PROM1: variants seen among roughly 807,000 people sequenced by gnomAD.
PROM1 encodes the protein prominin 1, also known as prominin-1.
PROM1 carries 105 observed loss-of-function variants against 116.9 expected under a neutral mutation model. The ratio of observed to expected loss-of-function variants is 0.90; its 90% CI spans 0.77 to 1.06. PROM1 has a LOEUF of 1.06. Among genes scored for constraint, PROM1 ranks in the 50% least tolerant of loss-of-function variants. PROM1 has a pLI of 0.00. For missense variants in PROM1, 1,122 were observed against 1,045.2 expected (o/e 1.07, Z -1.01); for synonymous variants, 393 against 387.0 (o/e 1.02, Z -0.18).
chr4:16,023,189 C>T (rs899018138), intron 8 of PROM1, 137 bp downstream of exon 8: 19 of 728,348 alleles, frequency 2.6e-5, no homozygotes, highest in Non-Finnish European at 4.4e-5. Flanking sequence ...AGTGTCTTGA[C>T]CTGAACTGTC....
intron 1 of PROM1, 106 bp downstream of exon 1, chr4:16,083,872 A>G (rs894657618): frequency 2.0e-5 from 3 of 152,094 alleles, no homozygotes; most frequent in African/African-American, 4.8e-5. Flanking sequence ...GGGAGGCAGG[A>G]GAAAGGCCCG....
At chr4:15,994,782 G>A (rs943601275) in intron 15 of PROM1, among the ~76,000 whole-genome samples, 4 of 152,212 alleles carry the variant, frequency 2.6e-5, no homozygotes, top group Admixed American at 6.5e-5. Flanking sequence ...TCTCTTCCTT[G>A]CCACAGCAGC....
At chr4:15,985,120 A>C (rs935548930) in intron 22 of PROM1, among the ~76,000 whole-genome samples, 7 of 152,238 alleles carry the variant, frequency 4.6e-5, no homozygotes, top group Non-Finnish European at 7.3e-5. Flanking sequence ...ACCTTTACTG[A>C]ACATGTACAG....
intron 15 of PROM1, 60 bp from the exon 16 acceptor site, chr4:15,994,131 C>T: frequency 6.2e-7 from 1 of 1,605,224 alleles, no homozygotes; most frequent in Non-Finnish European, 8.5e-7. Context: ...CCTCTGTCCA[C>T]CACTGAAGAT....
At chr4:16,051,144 A>C (rs1036321221) in intron 2 of PROM1, among the ~76,000 whole-genome samples, 1 of 152,256 alleles carries the variant, frequency 6.6e-6, no homozygotes, top group African/African-American at 2.4e-5. Context: ...CTACTAAGTG[A>C]AGGGAAAAAA....
At chr4:16,004,907 C>T (rs1311242220) in intron 13 of PROM1, among the ~76,000 whole-genome samples, 1 of 77,252 alleles carries the variant, frequency 1.3e-5, no homozygotes, top group Non-Finnish European at 2.4e-5. Context: ...CTCTCTCTCC[C>T]TTCCTTCCTT....
At chr4:16,065,382 T>C (rs554370149) in intron 2 of PROM1, among the ~76,000 whole-genome samples, 4 of 152,258 alleles carry the variant, frequency 2.6e-5, no homozygotes, top group African/African-American at 7.2e-5. Flanking sequence ...CACACACTCA[T>C]AGCTTAGTTT....
At chr4:16,081,472 C>T (rs575299331) in intron 1 of PROM1, among the ~76,000 whole-genome samples, 1 of 152,282 alleles carries the variant, frequency 6.6e-6, no homozygotes, top group African/African-American at 2.4e-5. Flanking sequence ...TGGGCAAGGA[C>T]TTCATGTCTA....
intron 10 of PROM1, 141 bp from the exon 11 acceptor site, chr4:16,013,479 T>C (rs1021330168): frequency 1.1e-5 from 7 of 629,020 alleles, no homozygotes; most frequent in African/African-American, 1.1e-4. Context: ...GATCATTATA[T>C]GGTCATCAAG....
At chr4:15,971,470 A>C in intron 26 of PROM1, 1 of 168,858 alleles carries the variant, frequency 5.9e-6, no homozygotes, top group Non-Finnish European at 1.3e-5. Context: ...ACAGAAGCAA[A>C]TGGAAGTTCC....
In PROM1 at chr4:15,980,476, G is replaced by A. The variant is rs371444761; in HGVS notation, c.2435C>T (p.Ala812Val). The change falls in exon 24 of 28, where the codon GCG becomes GTG. Residue 812 changes from alanine to valine, a missense_variant. Transcript: ENST00000447510. ...ACGATAGTACTTAGCCAGTTTTACCGCAAAAATTAGAGCCGGAAGTAAAAA... is the reference window on the plus strand; with the variant it reads ...ACGATAGTACTTAGCCAGTTTTACCACAAAAATTAGAGCCGGAAGTAAAAA... ...TVFLLPALIF[A>V]VKLAKYYRRM... The A allele has an allele frequency of 9.0e-6, 14 of 1,556,266 alleles. No individual in the cohort carries two copies. The highest frequency in any genetic ancestry group is 4.1e-5 in the African/African-American group (3 of 73,260).
intron 11 of PROM1, among the ~76,000 whole-genome samples, chr4:16,009,404 T>G (rs1189903570): frequency 6.6e-6 from 1 of 152,238 alleles, no homozygotes; most frequent in African/African-American, 2.4e-5. Flanking sequence ...AAATGCATGG[T>G]GTGCAGACTA....
rs1031903087 is a variant in PROM1, at chr4:16,045,541, C to A, written c.221-6540G>T. 4.6e-5 allele frequency among the ~76,000 whole-genome samples: 7 copies of A among 152,292 alleles called. No homozygotes were observed. In the East Asian group the frequency reaches 1.2e-3, roughly 25 times the overall value. On this transcript the variant is annotated intron_variant, in intron 2 of 27. Coordinates refer to ENST00000447510, the MANE Select transcript of PROM1 (RefSeq NM_006017.3). ...GCTTACCCTAATACAACACACCTTACCGAATTAAGACCCCCAACATTTTCT... is the reference window on the plus strand; with the variant it reads ...GCTTACCCTAATACAACACACCTTAACGAATTAAGACCCCCAACATTTTCT...
chr4:16,026,095 T>G (rs113238162), intron 5 of PROM1, among the ~76,000 whole-genome samples: 39 of 152,294 alleles, frequency 2.6e-4, no homozygotes, highest in African/African-American at 9.1e-4. Flanking sequence ...CTTTCCTCCA[T>G]GTGAAATATA....
chr4:16,078,322 G>A (rs1375869823), intron 1 of PROM1: 1 of 152,312 alleles, frequency 6.6e-6, no homozygotes, highest in African/African-American at 2.4e-5. Context: ...GAAAGAAATA[G>A]CAGCAGAGTC....
At chr4:16,061,098 T>C (rs1050994637) in intron 2 of PROM1, among the ~76,000 whole-genome samples, 4 of 152,156 alleles carry the variant, frequency 2.6e-5, no homozygotes, top group Non-Finnish European at 5.9e-5. Context: ...AATTTTCCCA[T>C]GGAAGTAACA....
At chr4:16,010,953 C>T (rs1177650350) in intron 11 of PROM1, among the ~76,000 whole-genome samples, 2 of 152,100 alleles carry the variant, frequency 1.3e-5, no homozygotes, top group South Asian at 2.1e-4. Context: ...CCAAATGGCT[C>T]GTGTGTGAAA....
rs181907534 is a variant in PROM1 at position 16,017,690 on chromosome 4, G to A, written c.1002+633C>T. Among the ~76,000 whole-genome samples, 186 of 152,180 alleles carry A rather than the reference G, an allele frequency of 1.2e-3. 6 individuals are homozygous for A. The East Asian group carries it at 0.03, about 24-fold the overall frequency. ...ACGAAAATTAGCCAGGCATGGTGGC[G>A]GGTGCCTGTAATCTCAGCTACTCAG... On this transcript the variant is annotated intron_variant, in intron 9 of 27. Transcript: ENST00000447510.
At chr4:15,983,580 A>C (rs1041646899) in intron 23 of PROM1, among the ~76,000 whole-genome samples, 1 of 152,286 alleles carries the variant, frequency 6.6e-6, no homozygotes, top group Admixed American at 6.5e-5. Flanking sequence ...CGGCATGTGC[A>C]TGGGCCCTAA....
Sources: gnomAD v4.1 joint callset for allele counts (sites outside exome capture counted in the v4.1 genomes callset) on GRCh38, gnomAD v4.1.1 for gene constraint, MANE v1.5 for transcripts, NCBI Gene and HGNC (gene_info 2026-07-23, HGNC 2026-07-21) for gene names.